Variants in CMIP observed in about 807,000 individuals in gnomAD.
CMIP encodes C-Maf-inducing protein.
Under a neutral mutation model 97.3 loss-of-function variants are expected in CMIP, and 13 were observed. That is an observed-to-expected ratio of 0.13 (90% CI 0.09 to 0.21). The LOEUF (loss-of-function observed/expected upper bound fraction) is 0.21. CMIP is among the 10% of genes least tolerant of loss of function. The pLI is 1.00. For synonymous variants in CMIP, 538 were observed against 436.3 expected (o/e 1.23, Z -2.91); for missense variants, 847 against 1,024.9 (o/e 0.83, Z 2.37).
At chr16:81,648,374 C>G (rs1025964119) in intron 3 of CMIP, among the ~76,000 whole-genome samples, 3 of 152,018 alleles carry the variant, frequency 2.0e-5, no homozygotes, top group Admixed American at 6.6e-5. Context: ...CTGGCCACCC[C>G]CTCAGCATCG....
intron 1 of CMIP, among the ~76,000 whole-genome samples, chr16:81,551,130 C>T (rs144031806): frequency 2.0e-3 from 295 of 150,126 alleles, no homozygotes; most frequent in African/African-American, 7.0e-3. Context: ...CCATCACACG[C>T]ACCCCAGTTC....
rs758751421 is a variant in CMIP, at chr16:81,627,687, C to G, written c.477+6761C>G. 7.9e-5 allele frequency among the ~76,000 whole-genome samples: 12 copies of G among 152,162 alleles called. No individual in the cohort carries two copies. Among genetic ancestry groups the G allele is most frequent in the Admixed American group, 2.0e-4 (3 of 15,282 alleles). ...GTTCTGTGGGGTCCACATCCCTCCC[C>G]CATCTCATAGCAGAGGGGACTGAGC... On this transcript the variant is annotated intron_variant, in intron 3 of 20. Coordinates refer to ENST00000537098, the MANE Select transcript of CMIP (RefSeq NM_198390.3). This position sits in a 1 kb window ranked among gnomAD's most constrained non-coding sequence, Gnocchi z 4.6.
intron 9 of CMIP, among the ~76,000 whole-genome samples, chr16:81,676,854 G>A (rs529110467): frequency 3.3e-4 from 50 of 152,140 alleles, no homozygotes; most frequent in Admixed American, 6.5e-4. Context: ...AATGCCAGCT[G>A]TGTGGCCCTG....
rs191835451 is a variant in CMIP, at chr16:81,642,277, G to T, written c.478-9926G>T. On this transcript the variant is annotated intron_variant, in intron 3 of 20. Coordinates refer to ENST00000537098, the MANE Select transcript of CMIP (RefSeq NM_198390.3). Reference sequence around the variant, plus strand: ...TCAGCCAGACTGGGAGTGTGCAGGGGCTGGTTTGTCTCATCTCTGTATCAT... The same window carrying T: ...TCAGCCAGACTGGGAGTGTGCAGGGTCTGGTTTGTCTCATCTCTGTATCAT... Among the ~76,000 whole-genome samples, 104 of 152,282 alleles carry T rather than the reference G, an allele frequency of 6.8e-4. 1 individual carries two copies. Among genetic ancestry groups the T allele is most frequent in the African/African-American group, 2.5e-3 (103 of 41,556 alleles).
chr16:81,616,811 G>A lies in CMIP; in HGVS notation c.427-4065G>A, dbSNP rs575303944. ...TGTGTAGCAGTGTCTGTGGTCAGTG[G>A]CTCTGAAGAAATCCGTCCCAGGCCT... On this transcript the variant is annotated intron_variant, in intron 2 of 20. Transcript: ENST00000537098. The surrounding 1 kb of genome is among the most constrained non-coding windows in gnomAD (Gnocchi z 4.7). Among the ~76,000 whole-genome samples the A allele has an allele frequency of 5.9e-5, 9 of 152,364 alleles. No homozygotes were observed. In the South Asian group the frequency reaches 1.7e-3, roughly 28 times the overall value.
rs1488568438 is a variant in CMIP at position 81,627,853 on chromosome 16, G to C, written c.477+6927G>C. 2.0e-5 allele frequency among the ~76,000 whole-genome samples: 3 copies of C among 152,178 alleles called. No individual in the cohort carries two copies. The highest frequency in any genetic ancestry group is 4.4e-5 in the Non-Finnish European group (3 of 68,022). ...TGTTCCATGTTCTGTGTTGGGAGCTGGCGCTGGGGGACCACAACCCTCAAA... is the reference window on the plus strand; with the variant it reads ...TGTTCCATGTTCTGTGTTGGGAGCTCGCGCTGGGGGACCACAACCCTCAAA... On this transcript the variant is annotated intron_variant, in intron 3 of 20. Coordinates refer to ENST00000537098, the MANE Select transcript of CMIP (RefSeq NM_198390.3). This position sits in a 1 kb window ranked among gnomAD's most constrained non-coding sequence, Gnocchi z 4.6.
intron 2 of CMIP, chr16:81,619,353 C>T (rs1163853154): frequency 6.6e-6 from 1 of 152,292 alleles, no homozygotes; most frequent in Non-Finnish European, 1.5e-5. Context: ...TTGCTCCAGA[C>T]CCTGACCTCG....
chr16:81,690,238 C>T (rs1046855775), intron 10 of CMIP, among the ~76,000 whole-genome samples: 2 of 152,152 alleles, frequency 1.3e-5, no homozygotes, highest in Non-Finnish European at 1.5e-5. Flanking sequence ...CTATAAATTA[C>T]CTTGGGCAGT....
In CMIP at chr16:81,627,087, G is replaced by T. The variant is rs538890677; in HGVS notation, c.477+6161G>T. Among the ~76,000 whole-genome samples, 208 of 147,374 alleles carry T rather than the reference G, an allele frequency of 1.4e-3. 1 individual carries two copies. The highest frequency in any genetic ancestry group is 2.6e-3 in the Non-Finnish European group (171 of 66,794). On this transcript the variant is annotated intron_variant, in intron 3 of 20. Transcript: ENST00000537098. This position sits in a 1 kb window ranked among gnomAD's most constrained non-coding sequence, Gnocchi z 4.6. ...ATGTGTGTGTTTGTGTATGTGTGGTGTGTGGGGGTGACTGTGAGAGTGTGT... is the reference window on the plus strand; with the variant it reads ...ATGTGTGTGTTTGTGTATGTGTGGTTTGTGGGGGTGACTGTGAGAGTGTGT...
At chr16:81,567,388 T>C (rs1597096917) in intron 1 of CMIP, among the ~76,000 whole-genome samples, 1 of 152,156 alleles carries the variant, frequency 6.6e-6, no homozygotes, top group Admixed American at 6.5e-5. Flanking sequence ...GTTGGGAGGG[T>C]GGCCTGGCCA....
At chr16:81,637,246 T>C (rs980996294) in intron 3 of CMIP, among the ~76,000 whole-genome samples, 5 of 152,158 alleles carry the variant, frequency 3.3e-5, no homozygotes, top group African/African-American at 1.2e-4. Context: ...AATTTTTTTG[T>C]ATTTTTAGTA....
At chr16:81,521,062 GA>G (rs1211902844) in intron 1 of CMIP, among the ~76,000 whole-genome samples, 1 of 152,252 alleles carries the variant, frequency 6.6e-6, no homozygotes, top group African/African-American at 2.4e-5. Flanking sequence ...CTGGGAACAG[GA>G]ATGTGCTTTA....
At chr16:81,549,590 C>T (rs2090613929) in intron 1 of CMIP, among the ~76,000 whole-genome samples, 1 of 152,146 alleles carries the variant, frequency 6.6e-6, no homozygotes, top group African/African-American at 2.4e-5. Context: ...AGTGAAATGC[C>T]AGTGGTCCTG....
intron 8 of CMIP, 42 bp downstream of exon 8, chr16:81,670,287 C>G: frequency 1.9e-6 from 3 of 1,565,486 alleles, no homozygotes; most frequent in Non-Finnish European, 2.6e-6. Context: ...CTAGGAGCCA[C>G]TTTCCTCTCG....
intron 1 of CMIP, among the ~76,000 whole-genome samples, chr16:81,473,234 G>T (rs1439946362): frequency 6.6e-6 from 1 of 152,228 alleles, no homozygotes; most frequent in Non-Finnish European, 1.5e-5. Flanking sequence ...GGCTGCGGCT[G>T]TCACTGACGT....
At chr16:81,609,456 A>G (rs549367674) in intron 2 of CMIP, among the ~76,000 whole-genome samples, 5 of 152,250 alleles carry the variant, frequency 3.3e-5, no homozygotes, top group East Asian at 3.9e-4. Context: ...TCCTACCCCA[A>G]TGACTTTGCT....
chr16:81,601,011 C>T (rs2091648398), intron 1 of CMIP, among the ~76,000 whole-genome samples: 1 of 152,186 alleles, frequency 6.6e-6, no homozygotes, highest in Non-Finnish European at 1.5e-5. Context: ...GACTGTGCAG[C>T]ATGGGTGTCC....
chr16:81,478,791 CAG>C (rs1597462460), intron 1 of CMIP, among the ~76,000 whole-genome samples: 1 of 152,334 alleles, frequency 6.6e-6, no homozygotes. Flanking sequence ...CAGAGGCACT[CAG>C]GGAGGGGAGC....
At chr16:81,484,890 C>T (rs917937828) in intron 1 of CMIP, among the ~76,000 whole-genome samples, 1 of 151,776 alleles carries the variant, frequency 6.6e-6, no homozygotes, top group Admixed American at 6.6e-5. Flanking sequence ...CTCAGATATA[C>T]CCTCTTCCCT....
Sources: gnomAD v4.1 joint callset for allele counts (sites outside exome capture counted in the v4.1 genomes callset) on GRCh38, gnomAD v4.1.1 for gene constraint, Gnocchi (gnomAD v3.1) non-coding constraint, MANE v1.5 for transcripts, NCBI Gene and HGNC (gene_info 2026-07-23, HGNC 2026-07-21) for gene names.